Variants in RBM33 observed in about 807,000 individuals in gnomAD.
RBM33 encodes the protein RNA binding motif protein 33, also known as RNA-binding protein 33.
Under a neutral mutation model 132.6 loss-of-function variants are expected in RBM33, and 28 were observed. The ratio of observed to expected loss-of-function variants is 0.21; its 90% CI spans 0.16 to 0.29. The LOEUF (loss-of-function observed/expected upper bound fraction) is 0.29. Ranked by LOEUF, RBM33 falls within the 10% of genes least tolerant of loss-of-function variation. The probability of loss-of-function intolerance (pLI) is 1.00; values close to 1 mark genes in which losing one functional copy is unlikely to be tolerated. For missense variants in RBM33, 1,291 were observed against 1,518.5 expected (o/e 0.85, Z 2.49); for synonymous variants, 634 against 593.0 (o/e 1.07, Z -1.01).
At chr7:155,695,910 TA>T (rs1191749032) in intron 5 of RBM33, among the ~76,000 whole-genome samples, 2 of 152,174 alleles carry the variant, frequency 1.3e-5, no homozygotes, top group Non-Finnish European at 2.9e-5. Flanking sequence ...TAGTTAAGAT[TA>T]TGATCTATCT....
chr7:155,698,815 G>A (rs1480131978), intron 5 of RBM33, among the ~76,000 whole-genome samples: 2 of 152,218 alleles, frequency 1.3e-5, no homozygotes, highest in East Asian at 1.9e-4. Flanking sequence ...GTATAATGAT[G>A]CCTTTATGGT....
chr7:155,742,329 C>T (rs994525405), intron 13 of RBM33, among the ~76,000 whole-genome samples: 2 of 149,442 alleles, frequency 1.3e-5, no homozygotes, highest in South Asian at 4.2e-4. Flanking sequence ...AGTTACTGTT[C>T]TGTTATACAG....
chr7:155,718,302 T>G, intron 8 of RBM33, 83 bp from the exon 9 acceptor site: 2 of 1,056,410 alleles, frequency 1.9e-6, no homozygotes, highest in South Asian at 2.5e-5. Flanking sequence ...AGTATATATT[T>G]TATATTAAAC....
chr7:155,673,420 G>A (rs1585419477), intron 3 of RBM33, among the ~76,000 whole-genome samples: 1 of 150,446 alleles, frequency 6.6e-6, no homozygotes, highest in Non-Finnish European at 1.5e-5. Flanking sequence ...GTGTGTGTGT[G>A]TGTGTGTGTG....
chr7:155,755,590 C>T (rs775372170), intron 14 of RBM33, among the ~76,000 whole-genome samples: 10 of 152,130 alleles, frequency 6.6e-5, no homozygotes, highest in South Asian at 2.1e-4. Flanking sequence ...TGCTGCTTAG[C>T]GTCTGATAGG....
chr7:155,773,798 C>G (rs1802517664), intron 16 of RBM33, among the ~76,000 whole-genome samples: 2 of 152,116 alleles, frequency 1.3e-5, no homozygotes, highest in Non-Finnish European at 2.9e-5. Context: ...AAGCAGAAAG[C>G]AGCTCCCCCT....
chr7:155,770,036 A>G (rs2117079598), intron 16 of RBM33, among the ~76,000 whole-genome samples: 1 of 152,320 alleles, frequency 6.6e-6, no homozygotes, highest in East Asian at 1.9e-4. Flanking sequence ...GACAGGGAAG[A>G]TGGGACAACC....
chr7:155,760,362 G>A (rs1004422789), intron 14 of RBM33, among the ~76,000 whole-genome samples: 2 of 152,190 alleles, frequency 1.3e-5, no homozygotes, highest in East Asian at 3.8e-4. Flanking sequence ...ATTTGCCCAC[G>A]TTAGTGGAAA....
At chr7:155,686,938 A>G (rs1010065489) in intron 5 of RBM33, among the ~76,000 whole-genome samples, 2 of 152,222 alleles carry the variant, frequency 1.3e-5, no homozygotes, top group African/African-American at 2.4e-5. Flanking sequence ...CTCAGTAAAC[A>G]TACATGTGCA....
chr7:155,693,413 G>T (rs767490392), intron 5 of RBM33, among the ~76,000 whole-genome samples: 4 of 151,408 alleles, frequency 2.6e-5, no homozygotes, highest in Non-Finnish European at 1.5e-5. Flanking sequence ...CTTTCTAGCA[G>T]AAAGTAAGAG....
chr7:155,702,392 T>C (rs1314053066), intron 6 of RBM33, among the ~76,000 whole-genome samples: 5 of 152,216 alleles, frequency 3.3e-5, no homozygotes, highest in Admixed American at 3.3e-4. Flanking sequence ...TACTACTCCA[T>C]CTTGTGGCCC....
At chr7:155,651,251 A>G (rs1798345454) in intron 1 of RBM33, among the ~76,000 whole-genome samples, 1 of 152,090 alleles carries the variant, frequency 6.6e-6, no homozygotes, top group Non-Finnish European at 1.5e-5. Flanking sequence ...GGAAATTTTA[A>G]TTTTCACAAC....
intron 6 of RBM33, chr7:155,701,529 A>G (rs1048119869): frequency 4.6e-5 from 7 of 152,998 alleles, no homozygotes; most frequent in African/African-American, 1.7e-4. Flanking sequence ...ACCCCTCATT[A>G]TACAGTGTTT....
intron 15 of RBM33, 38 bp from the exon 16 acceptor site, chr7:155,766,429 G>T (rs1302211666): frequency 1.2e-6 from 2 of 1,605,252 alleles, no homozygotes; most frequent in East Asian, 4.5e-5. Context: ...AGAAGCTCAG[G>T]CTTGAAACTC....
chr7:155,664,835 C>T (rs181826447), intron 1 of RBM33, among the ~76,000 whole-genome samples: 1 of 151,760 alleles, frequency 6.6e-6, no homozygotes, highest in Non-Finnish European at 1.5e-5. Flanking sequence ...AACTTTTTAG[C>T]ATGTCACATT....
intron 9 of RBM33, among the ~76,000 whole-genome samples, chr7:155,725,086 A>G (rs578064115): frequency 1.3e-5 from 2 of 148,444 alleles, no homozygotes; most frequent in Non-Finnish European, 3.0e-5. Context: ...CTAGGAGTGG[A>G]TTGTGGATGA....
intron 16 of RBM33, 99 bp downstream of exon 16, chr7:155,766,754 C>T (rs547374640): frequency 8.8e-7 from 1 of 1,139,838 alleles, no homozygotes; most frequent in South Asian, 1.4e-5. Flanking sequence ...TTGGCTACTT[C>T]ATATTAAAAT....
intron 13 of RBM33, among the ~76,000 whole-genome samples, chr7:155,744,209 G>C (rs1165357652): frequency 6.6e-6 from 1 of 152,164 alleles, no homozygotes; most frequent in Non-Finnish European, 1.5e-5. Flanking sequence ...GGAGTCTGTG[G>C]ATATGGATGA....
intron 14 of RBM33, among the ~76,000 whole-genome samples, chr7:155,760,661 A>C (rs1212146087): frequency 1.3e-5 from 2 of 152,322 alleles, no homozygotes; most frequent in East Asian, 3.9e-4. Flanking sequence ...AGATGAGGGT[A>C]TGTGGTATAT....
Sources: gnomAD v4.1 joint callset for allele counts (sites outside exome capture counted in the v4.1 genomes callset) on GRCh38, gnomAD v4.1.1 for gene constraint, MANE v1.5 for transcripts, NCBI Gene and HGNC (gene_info 2026-07-23, HGNC 2026-07-21) for gene names.